COL10A1: variants seen among roughly 807,000 people sequenced by gnomAD.
COL10A1 encodes the protein collagen type X alpha 1 chain.
COL10A1 carries 10 observed loss-of-function variants against 18.2 expected under a neutral mutation model. The observed-to-expected ratio is 0.55, with a 90% CI of 0.34 to 0.93. COL10A1 has a LOEUF of 0.93. COL10A1 is among the 40% of genes least tolerant of loss of function. COL10A1 has a pLI of 0.02. For synonymous variants in COL10A1, 330 were observed against 316.6 expected, an observed-to-expected ratio of 1.04 and a Z score of -0.45; for missense variants, 897 against 853.5, an observed-to-expected ratio of 1.05 and a Z score of -0.64.
intron 1 of COL10A1, among the ~76,000 whole-genome samples, chr6:116,151,769 A>G (rs1179601558): frequency 6.6e-6 from 1 of 152,200 alleles, no homozygotes; most frequent in Non-Finnish European, 1.5e-5. Flanking sequence ...TTAGTCTACC[A>G]CAGCAAATAA....
intron 1 of COL10A1, among the ~76,000 whole-genome samples, chr6:116,154,502 T>G (rs188006127): frequency 6.6e-6 from 1 of 152,196 alleles, no homozygotes; most frequent in Non-Finnish European, 1.5e-5. Context: ...TATGTTAACC[T>G]TAATTTAAGT....
the COL10A1 span, among the ~76,000 whole-genome samples, chr6:116,204,260 A>G: frequency 3.4e-3 from 512 of 152,074 alleles, 15 homozygotes; most frequent in South Asian, 0.047. Flanking sequence ...ATAGCCCTCA[A>G]TTTACTCAGT....
chr6:116,150,962 A>G (rs528004310), intron 1 of COL10A1, among the ~76,000 whole-genome samples: 11 of 152,340 alleles, frequency 7.2e-5, no homozygotes, highest in Admixed American at 2.6e-4. Flanking sequence ...GGCAGATTGT[A>G]TATTTTATGA....
chr6:116,215,973 G>A, the COL10A1 span, among the ~76,000 whole-genome samples: 1 of 152,058 alleles, frequency 6.6e-6, no homozygotes, highest in Non-Finnish European at 1.5e-5. Flanking sequence ...TAAACTGTTC[G>A]AATAATTTTT....
chr6:116,208,006 A>C, the COL10A1 span, among the ~76,000 whole-genome samples: 3 of 151,950 alleles, frequency 2.0e-5, no homozygotes, highest in Admixed American at 2.0e-4. Context: ...GGTTAGAAGA[A>C]ACACAGTGAA....
chr6:116,155,277 C>G (rs1177333333), intron 1 of COL10A1, among the ~76,000 whole-genome samples: 1 of 152,114 alleles, frequency 6.6e-6, no homozygotes, highest in Non-Finnish European at 1.5e-5. Context: ...CCAGACTGCT[C>G]CAGATATCTG....
At chr6:116,142,764 T>C (rs1182798227) in intron 1 of COL10A1, among the ~76,000 whole-genome samples, 3 of 152,196 alleles carry the variant, frequency 2.0e-5, no homozygotes, top group Admixed American at 6.5e-5. Flanking sequence ...TGTTTCTTTT[T>C]GTTTCTTGTG....
upstream of COL10A1, among the ~76,000 whole-genome samples, chr6:116,163,700 C>T (rs1193938945): frequency 6.6e-6 from 1 of 151,986 alleles, no homozygotes; most frequent in African/African-American, 2.4e-5. Context: ...TTGTTAGGTA[C>T]ATCATTTGGT....
rs73772274 is a variant in COL10A1 at position 116,141,629 on chromosome 6, T to C, written c.-15-16122A>G. On this transcript the variant is annotated intron_variant, in intron 1 of 1. Coordinates refer to the COL10A1 transcript ENST00000418500. ...AGTTGACCATTCTTTTAATAGAATTTCTGATTCTAGGTTTACTTGCAAAGG... is the reference window on the plus strand; with the variant it reads ...AGTTGACCATTCTTTTAATAGAATTCCTGATTCTAGGTTTACTTGCAAAGG... Among the ~76,000 whole-genome samples the C allele has an allele frequency of 4.8e-3, 737 of 152,214 alleles. 12 individuals are homozygous for C. The highest frequency in any genetic ancestry group is 0.043 in the South Asian group (207 of 4,818).
upstream of COL10A1, among the ~76,000 whole-genome samples, chr6:116,127,414 A>G (rs955749642): frequency 2.0e-5 from 3 of 152,286 alleles, no homozygotes; most frequent in African/African-American, 7.2e-5. Context: ...ATTGTTGTAT[A>G]TATCTCTGTA....
chr6:116,134,850 A>G lies in COL10A1; in HGVS notation c.-15-9343T>C, dbSNP rs1232383019. Among the ~76,000 whole-genome samples, 7 of 152,302 alleles carry G rather than the reference A, an allele frequency of 4.6e-5. No individual in the cohort carries two copies. In the East Asian group the frequency reaches 1.3e-3, roughly 29 times the overall value. ...CAGTTTTTCTGAAAGTAGGCATGGT[A>G]GGAGGATATAGATGTAAGAGGGTAG... is the stretch of plus-strand genomic sequence containing the variant. On this transcript the variant is annotated intron_variant, in intron 1 of 1. Coordinates refer to the COL10A1 transcript ENST00000418500.
At chr6:116,133,898 A>G (rs934023346) in intron 1 of COL10A1, among the ~76,000 whole-genome samples, 14 of 152,212 alleles carry the variant, frequency 9.2e-5, no homozygotes, top group African/African-American at 3.4e-4. Context: ...TGTATATACT[A>G]TAGAGATATA....
At chr6:116,144,592 A>T (rs758097904) in intron 1 of COL10A1, among the ~76,000 whole-genome samples, 17 of 152,188 alleles carry the variant, frequency 1.1e-4, no homozygotes, top group Non-Finnish European at 1.0e-4. Context: ...CTAAGTTTAG[A>T]ATTCAAATAT....
At chr6:116,122,661 G>A (rs978810166) in intron 2 of COL10A1, among the ~76,000 whole-genome samples, 1 of 152,188 alleles carries the variant, frequency 6.6e-6, no homozygotes, top group Non-Finnish European at 1.5e-5. Flanking sequence ...AAAAATCATA[G>A]TGCCTGTGAT....
At chr6:116,191,813 T>A in the COL10A1 span, among the ~76,000 whole-genome samples, 1 of 152,078 alleles carries the variant, frequency 6.6e-6, no homozygotes, top group East Asian at 1.9e-4. Context: ...TTTATATATT[T>A]GTATTCCCCA....
chr6:116,126,783 A>G (rs1384303802), upstream of COL10A1, among the ~76,000 whole-genome samples: 1 of 152,170 alleles, frequency 6.6e-6, no homozygotes, highest in Non-Finnish European at 1.5e-5. Context: ...ATCTCATATT[A>G]TGTTAATTTA....
the COL10A1 span, among the ~76,000 whole-genome samples, chr6:116,172,611 C>T: frequency 0.041 from 6,200 of 152,050 alleles, 158 homozygotes; most frequent in South Asian, 0.072. Context: ...TGAGCCACCG[C>T]GCCAGGCCAC....
At chr6:116,158,107 G>A (rs2114417960) in intron 1 of COL10A1, among the ~76,000 whole-genome samples, 1 of 152,210 alleles carries the variant, frequency 6.6e-6, no homozygotes, top group Middle Eastern at 3.4e-3. Context: ...GAACTTTCTA[G>A]TTTCAATAGC....
rs752824839 is a variant in COL10A1, at chr6:116,121,001, T to C, written c.1115A>G (p.Tyr372Cys). The C allele has an allele frequency of 6.2e-7, 1 of 1,613,766 alleles. No individual in the cohort carries two copies. Among genetic ancestry groups the C allele is most frequent in the Non-Finnish European group, 8.5e-7 (1 of 1,179,856 alleles). The change falls in exon 3 of 3, where the codon TAC becomes TGC. Residue 372 changes from tyrosine (Y) to cysteine (C), a missense_variant. Coordinates refer to ENST00000651968, the MANE Select transcript of COL10A1 (RefSeq NM_000493.4). Reference protein sequence around the residue: ...GETGPAGPAGYPGAKGERGSP... With the variant: ...GETGPAGPAGCPGAKGERGSP... The stretch of plus-strand genomic sequence containing the variant: ...ACCCCTTTCACCCTTAGCCCCAGGG[T>C]ATCCTGCAGGCCCAGCTGGCCCTGT...
Sources: allele counts gnomAD v4.1 joint callset (sites outside exome capture counted in the v4.1 genomes callset), GRCh38; gene constraint gnomAD v4.1.1; transcripts MANE v1.5; gene names NCBI Gene and HGNC (gene_info 2026-07-23, HGNC 2026-07-21).